Variants in LYRM4 observed in about 807,000 individuals in gnomAD.
LYRM4 encodes the protein LYR motif containing 4, also known as LYR motif-containing protein 4.
Under a neutral mutation model 11.7 loss-of-function variants are expected in LYRM4, and 9 were observed. The ratio of observed to expected loss-of-function variants is 0.77; its 90% CI spans 0.46 to 1.34. LYRM4 has a LOEUF of 1.34. LYRM4 is among the 40% of genes most tolerant of loss of function. LYRM4 has a pLI of 0.00. For missense variants in LYRM4, 133 were observed against 112.5 expected (o/e 1.18, Z -0.82); for synonymous variants, 42 against 40.4 (o/e 1.04, Z -0.15).
chr6:5,169,100 T>A (rs765220201), intron 2 of LYRM4, among the ~76,000 whole-genome samples: 1 of 152,308 alleles, frequency 6.6e-6, no homozygotes, highest in East Asian at 1.9e-4. Flanking sequence ...TCTTCATTTT[T>A]AACTTTTTTT....
At chr6:5,134,098 C>G (rs1764080437) in intron 2 of LYRM4, among the ~76,000 whole-genome samples, 1 of 152,214 alleles carries the variant, frequency 6.6e-6, no homozygotes. Flanking sequence ...GAACCTGTTT[C>G]CATTCTTTTG....
chr6:5,248,616 C>T (rs1020905427), intron 1 of LYRM4, among the ~76,000 whole-genome samples: 1 of 152,364 alleles, frequency 6.6e-6, no homozygotes, highest in South Asian at 2.1e-4. Context: ...GCTCCTGCCT[C>T]CCTTCCCCAG....
chr6:5,149,054 C>A (rs1009046516), intron 2 of LYRM4, among the ~76,000 whole-genome samples: 1 of 152,202 alleles, frequency 6.6e-6, no homozygotes, highest in Non-Finnish European at 1.5e-5. Flanking sequence ...GAAAATGACA[C>A]CATCTTTCAG....
intron 2 of LYRM4, among the ~76,000 whole-genome samples, chr6:5,209,390 T>C (rs1209373199): frequency 2.0e-5 from 3 of 152,196 alleles, no homozygotes; most frequent in African/African-American, 7.2e-5. Flanking sequence ...AATCTATTAT[T>C]ACTTTTTTAT....
chr6:5,144,706 C>T (rs552429621), intron 2 of LYRM4, among the ~76,000 whole-genome samples: 78 of 151,434 alleles, frequency 5.2e-4, no homozygotes, highest in Non-Finnish European at 9.7e-4. Flanking sequence ...AGTTAGCTAC[C>T]CATGGCCCCA....
chr6:5,091,232 A>G, the LYRM4 span, among the ~76,000 whole-genome samples: 7 of 152,240 alleles, frequency 4.6e-5, no homozygotes, highest in African/African-American at 1.7e-4. Flanking sequence ...ACAGCTGACA[A>G]TCCGGGCTCA....
chr6:5,138,744 G>A, intron 2 of LYRM4: 2 of 1,529,976 alleles, frequency 1.3e-6, no homozygotes, highest in Non-Finnish European at 8.7e-7. Context: ...TTATGCCTGG[G>A]GGTAAAAAGA....
chr6:5,236,868 G>A (rs1222105923), intron 1 of LYRM4, among the ~76,000 whole-genome samples: 2 of 151,996 alleles, frequency 1.3e-5, no homozygotes, highest in African/African-American at 4.8e-5. Context: ...GAGGTGGGTG[G>A]ATCACTTGAG....
At chr6:5,037,538 CG>C in the LYRM4 span, among the ~76,000 whole-genome samples, 2 of 78,226 alleles carry the variant, frequency 2.6e-5, no homozygotes, top group Non-Finnish European at 6.1e-5. Context: ...ACCTCCCAGA[CG>C]GGGTCCTGGC....
At chr6:5,142,854 C>T (rs951240316) in intron 2 of LYRM4, among the ~76,000 whole-genome samples, 1 of 152,206 alleles carries the variant, frequency 6.6e-6, no homozygotes, top group East Asian at 1.9e-4. Flanking sequence ...TTCTGGAATG[C>T]CTTTCCCTAA....
chr6:5,183,984 A>G (rs1266852542), intron 2 of LYRM4, among the ~76,000 whole-genome samples: 1 of 152,250 alleles, frequency 6.6e-6, no homozygotes, highest in African/African-American at 2.4e-5. Flanking sequence ...TCATTTCACA[A>G]TGTACACATC....
At chr6:5,199,161 T>TC (rs1261174503) in intron 2 of LYRM4, among the ~76,000 whole-genome samples, 1 of 152,234 alleles carries the variant, frequency 6.6e-6, no homozygotes, top group Non-Finnish European at 1.5e-5. Context: ...ACCCAAATGT[T>TC]CATCTACAAA....
At chr6:5,039,017 A>G in the LYRM4 span, among the ~76,000 whole-genome samples, 1 of 152,122 alleles carries the variant, frequency 6.6e-6, no homozygotes, top group Admixed American at 6.5e-5. Flanking sequence ...GGTAGTTTAC[A>G]CATGTTTCTT....
At chr6:5,057,783 G>A in the LYRM4 span, among the ~76,000 whole-genome samples, 1 of 149,202 alleles carries the variant, frequency 6.7e-6, no homozygotes, top group African/African-American at 2.5e-5. Context: ...TTCTTAAAGA[G>A]ACAGGGTCTC....
At chr6:5,144,053 T>G in intron 2 of LYRM4, 1 of 1,444,674 alleles carries the variant, frequency 6.9e-7, no homozygotes, top group Non-Finnish European at 9.2e-7. Context: ...CCTCCCTGAA[T>G]AGCTGCTTCA....
chr6:5,077,254 G>A, the LYRM4 span, among the ~76,000 whole-genome samples: 1 of 152,358 alleles, frequency 6.6e-6, no homozygotes, highest in South Asian at 2.1e-4. Flanking sequence ...GTCATACAGT[G>A]AGAACGCAAA....
chr6:5,260,801 C>G lies in LYRM4; in HGVS notation c.-68G>C, dbSNP rs1765043610. 1 of 1,531,972 alleles carries G rather than the reference C, an allele frequency of 6.5e-7. No individual in the cohort carries two copies. The allele number at this position is 1,531,972 out of a possible 1,614,324, so 94.9% of individuals were successfully genotyped here. On this transcript the variant is annotated 5_prime_UTR_variant, in exon 1 of 3. Coordinates refer to ENST00000330636, the MANE Select transcript of LYRM4 (RefSeq NM_020408.6). ...CCCAAGTACGACCCAACCCACGAAA[C>G]TCCAGCCTGTGCGGAAACCACGAAC...
chr6:5,200,464 G>C (rs1048917784), intron 2 of LYRM4, among the ~76,000 whole-genome samples: 5 of 152,188 alleles, frequency 3.3e-5, no homozygotes, highest in African/African-American at 9.7e-5. Context: ...GAAATTTTCA[G>C]TTGCAGTAAA....
chr6:5,161,210 A>T (rs1758739263), intron 2 of LYRM4, among the ~76,000 whole-genome samples: 1 of 152,222 alleles, frequency 6.6e-6, no homozygotes, highest in Non-Finnish European at 1.5e-5. Context: ...TGAATGAAAA[A>T]CTATGTTAAG....
Sources: gnomAD v4.1 joint callset for allele counts (sites outside exome capture counted in the v4.1 genomes callset) on GRCh38, gnomAD v4.1.1 for gene constraint, MANE v1.5 for transcripts, NCBI Gene and HGNC (gene_info 2026-07-23, HGNC 2026-07-21) for gene names.